Variants in DDX19B observed in about 807,000 individuals in gnomAD.
DDX19B encodes the protein DEAD-box helicase 19B, also known as ATP-dependent RNA helicase DDX19B.
DDX19B carries 27 observed loss-of-function variants against 58.1 expected under a neutral mutation model. That is an observed-to-expected ratio of 0.46 (90% CI 0.34 to 0.64). The LOEUF (loss-of-function observed/expected upper bound fraction) is 0.64, where lower values mean the gene tolerates loss of function less well. Ranked by LOEUF, DDX19B falls within the 30% of genes least tolerant of loss-of-function variation. DDX19B has a pLI of 0.01. For missense variants in DDX19B, 399 were observed against 596.5 expected, an observed-to-expected ratio of 0.67 and a Z score of 3.45; for synonymous variants, 187 against 214.4, an observed-to-expected ratio of 0.87 and a Z score of 1.12.
At position 70,334,788 on chromosome 16, in the gene DDX19B, G is replaced by C. The variant is rs1433509130; in HGVS notation, c.*1206G>C. ...GATAGTCAGAGCAAACAATAGTAATGGACACTTCTCACACCTGGCCAAGGC... is the reference window on the plus strand; with the variant it reads ...GATAGTCAGAGCAAACAATAGTAATCGACACTTCTCACACCTGGCCAAGGC... On this transcript the variant is annotated 3_prime_UTR_variant, in exon 12 of 12. Transcript: ENST00000288071. 2 of 152,158 alleles carry C rather than the reference G, an allele frequency of 1.3e-5. No individual in the cohort carries two copies. The highest frequency in any genetic ancestry group is 2.9e-5 in the Non-Finnish European group (2 of 68,042). 9.4% of individuals were successfully genotyped at this position (152,158 alleles called of 1,614,324 possible). A position where few individuals can be genotyped will look rare whatever the true frequency, so the allele number is the denominator to read the frequency against.
chr16:70,289,771 C>CCCCCGCCCCCCCCCGCCCA (rs1961010353), exon 1 of DDX19B: 1 of 432,944 alleles, frequency 2.3e-6, no homozygotes, highest in African/African-American at 2.1e-5. Context: ...CCCCCCGCCC[C>CCCCCGCCCCCCCCCGCCCA]CGGCTCCCGG....
intron 1 of DDX19B, among the ~76,000 whole-genome samples, chr16:70,301,833 G>A (rs1044316391): frequency 1.3e-5 from 2 of 150,786 alleles, no homozygotes; most frequent in Admixed American, 6.6e-5. Flanking sequence ...AGCCTCCCTC[G>A]TAGCTGGGAC....
At chr16:70,323,914 A>T (rs1283126450) in intron 5 of DDX19B, among the ~76,000 whole-genome samples, 1 of 152,020 alleles carries the variant, frequency 6.6e-6, no homozygotes, top group East Asian at 1.9e-4. Context: ...CTTGAAGGAG[A>T]GAAGGGAGTT....
chr16:70,290,367 C>T (rs1205098304), upstream of DDX19B, among the ~76,000 whole-genome samples: 1 of 152,026 alleles, frequency 6.6e-6, no homozygotes, highest in East Asian at 1.9e-4. Context: ...GAAACCCCGT[C>T]TCTACTAAAA....
chr16:70,299,380 G>A, intron 1 of DDX19B, 26 bp downstream of exon 1: 2 of 1,592,898 alleles, frequency 1.3e-6, no homozygotes, highest in Non-Finnish European at 1.7e-6. Context: ...CCCTAAAAGG[G>A]TCAGGGGACT....
intron 7 of DDX19B, among the ~76,000 whole-genome samples, chr16:70,328,606 G>A (rs1403255417): frequency 4.6e-5 from 7 of 151,644 alleles, no homozygotes; most frequent in Non-Finnish European, 7.4e-5. Flanking sequence ...CAGGTGATCC[G>A]CCTGCCTCAG....
upstream of DDX19B, among the ~76,000 whole-genome samples, chr16:70,291,389 A>C (rs548658653): frequency 6.6e-6 from 1 of 152,326 alleles, no homozygotes; most frequent in South Asian, 2.1e-4. Context: ...TAGAAAGCCA[A>C]AAGGTATGTA....
intron 1 of DDX19B, among the ~76,000 whole-genome samples, chr16:70,307,467 A>G (rs1961818030): frequency 1.3e-5 from 2 of 151,774 alleles, no homozygotes; most frequent in South Asian, 4.2e-4. Context: ...GGTTTAAGCG[A>G]TTCTCATGCC....
intron 5 of DDX19B, among the ~76,000 whole-genome samples, chr16:70,321,595 G>A (rs1184035588): frequency 6.6e-6 from 1 of 152,154 alleles, no homozygotes; most frequent in Non-Finnish European, 1.5e-5. Context: ...CCCACAAGGA[G>A]CTTATGTTCT....
rs1032614872 is a variant in DDX19B, at chr16:70,315,083, G to T, written c.160+128G>T. On this transcript the variant is annotated intron_variant, in intron 3 of 11. Coordinates refer to ENST00000288071, the MANE Select transcript of DDX19B (RefSeq NM_007242.7). ...TAGGCGATACAGTGCTAGCATAAAG[G>T]TTCAATATAGGGGCCGGGCACGGTG... The T allele has an allele frequency of 4.1e-6, 4 of 973,940 alleles. No homozygotes were observed. In the African/African-American group the frequency reaches 5.0e-5, roughly 12 times the overall value. 60.3% of individuals were successfully genotyped at this position (973,940 alleles called of 1,614,324 possible). A position where few individuals can be genotyped will look rare whatever the true frequency, so the allele number is the denominator to read the frequency against.
In DDX19B at chr16:70,335,074, T is replaced by C. The variant is rs1402934568; in HGVS notation, c.*1492T>C. On this transcript the variant is annotated 3_prime_UTR_variant, in exon 12 of 12. Transcript: ENST00000288071. Reference sequence around the variant, plus strand: ...GTCAGCCTCCAGGTGATTTCTTTAATCTGACATTACAAAGAGACCAACAGA... The same window carrying C: ...GTCAGCCTCCAGGTGATTTCTTTAACCTGACATTACAAAGAGACCAACAGA... 1 of 152,204 alleles carries C rather than the reference T, an allele frequency of 6.6e-6. No individual in the cohort carries two copies. Among genetic ancestry groups the C allele is most frequent in the African/African-American group, 2.4e-5 (1 of 41,442 alleles). 9.4% of individuals were successfully genotyped at this position (152,204 alleles called of 1,614,324 possible). A position where few individuals can be genotyped will look rare whatever the true frequency, so the allele number is the denominator to read the frequency against.
rs1597485171 is a variant in DDX19B, at chr16:70,319,151, T to A, written c.389+1563T>A. Among the ~76,000 whole-genome samples the A allele has an allele frequency of 1.3e-5, 2 of 152,312 alleles. 1 individual carries two copies. The highest frequency in any genetic ancestry group is 4.1e-4 in the South Asian group (2 of 4,830). On this transcript the variant is annotated intron_variant, in intron 5 of 11. Transcript: ENST00000288071. Reference sequence around the variant, plus strand: ...GACATATAAATAATGTTTTACATGCTGTGTTTTTTAATTATATGATCATCT... The same window carrying A: ...GACATATAAATAATGTTTTACATGCAGTGTTTTTTAATTATATGATCATCT...
chr16:70,302,859 A>T (rs1333581213), intron 1 of DDX19B, among the ~76,000 whole-genome samples: 1 of 152,222 alleles, frequency 6.6e-6, no homozygotes, highest in Non-Finnish European at 1.5e-5. Flanking sequence ...TTCCAACAGC[A>T]ATGGATGAGA....
intron 1 of DDX19B, among the ~76,000 whole-genome samples, chr16:70,306,130 G>T (rs537382419): frequency 6.6e-6 from 1 of 150,968 alleles, no homozygotes; most frequent in East Asian, 1.9e-4. Context: ...GGTCAGTTTT[G>T]TTGTTGTTGT....
intron 1 of DDX19B, among the ~76,000 whole-genome samples, chr16:70,307,561 T>A (rs1002975295): frequency 2.2e-4 from 33 of 151,382 alleles, no homozygotes; most frequent in African/African-American, 8.0e-4. Context: ...TGGGGTTTCA[T>A]CATGTTGCCC....
At chr16:70,295,185 G>T (rs1455111233), upstream of DDX19B, 7 of 761,904 alleles carry the variant, frequency 9.2e-6, no homozygotes, top group Non-Finnish European at 5.3e-6. Context: ...TTCTTTCCAC[G>T]CCCGCTTTGG....
intron 6 of DDX19B, 97 bp from the exon 7 acceptor site, chr16:70,325,477 C>A: frequency 1.3e-6 from 1 of 772,682 alleles, no homozygotes; most frequent in Non-Finnish European, 2.2e-6. Flanking sequence ...TTCTTTCCTT[C>A]AGCTTCAGCT....
intron 1 of DDX19B, 146 bp from the exon 2 acceptor site, chr16:70,312,463 C>A: frequency 2.8e-6 from 2 of 715,590 alleles, no homozygotes; most frequent in Admixed American, 6.2e-5. Context: ...ATTTAGTAAA[C>A]GGAACAACCC....
At chr16:70,313,142 C>T (rs1962175376) in intron 2 of DDX19B, among the ~76,000 whole-genome samples, 1 of 152,154 alleles carries the variant, frequency 6.6e-6, no homozygotes, top group African/African-American at 2.4e-5. Flanking sequence ...CCTCAGCCTC[C>T]CGGGTAGCTG....
Sources: gnomAD v4.1 joint callset for allele counts (sites outside exome capture counted in the v4.1 genomes callset) on GRCh38, gnomAD v4.1.1 for gene constraint, MANE v1.5 for transcripts, NCBI Gene and HGNC (gene_info 2026-07-23, HGNC 2026-07-21) for gene names.